The following BPIFC variants were observed in gnomAD, a reference collection of about 807,000 sequenced individuals.
The protein encoded by BPIFC is BPI fold containing family C, also known as BPI fold-containing family C protein.
BPIFC carries 60 observed loss-of-function variants against 57.6 expected under a neutral mutation model. The observed-to-expected ratio is 1.04, with a 90% CI of 0.85 to 1.29. The LOEUF (loss-of-function observed/expected upper bound fraction) is 1.29. Ranked by LOEUF, BPIFC falls within the 50% of genes most tolerant of loss-of-function variation. BPIFC has a pLI of 0.00. For synonymous variants in BPIFC, 243 were observed against 224.5 expected (o/e 1.08, Z -0.74); for missense variants, 581 against 600.5 (o/e 0.97, Z 0.34).
Position 32,441,756 on chromosome 22 carries a change from T to C in BPIFC, c.655+915A>G, listed in dbSNP as rs943203554. Among the ~76,000 whole-genome samples the C allele has an allele frequency of 2.0e-5, 3 of 152,224 alleles. No homozygotes were observed. The East Asian group carries it at 5.8e-4, about 29-fold the overall frequency. ...CAGGTTTAGAAATGGGCACTCAATA[T>C]GTATCTGTTAAAGCAGCGGTCCTCA... On this transcript the variant is annotated intron_variant, in intron 8 of 16. Coordinates refer to ENST00000300399, the MANE Select transcript of BPIFC (RefSeq NM_174932.3).
At chr22:32,420,484 G>T (rs925252777) in intron 13 of BPIFC, among the ~76,000 whole-genome samples, 1 of 152,058 alleles carries the variant, frequency 6.6e-6, no homozygotes, top group Non-Finnish European at 1.5e-5. Context: ...TTTTTTAGCT[G>T]TTCAATCGTT....
At chr22:32,417,872 T>A (rs565356286) in intron 14 of BPIFC, among the ~76,000 whole-genome samples, 33 of 152,156 alleles carry the variant, frequency 2.2e-4, no homozygotes, top group Non-Finnish European at 3.2e-4. Context: ...TTTTTTTATT[T>A]AAAAATTTTT....
intron 13 of BPIFC, 129 bp downstream of exon 13, chr22:32,431,218 A>G (rs1934230720): frequency 2.8e-6 from 2 of 717,304 alleles, no homozygotes; most frequent in Non-Finnish European, 4.5e-6. Flanking sequence ...GGTTCAAGCG[A>G]TTCTCCTGCC....
chr22:32,431,067 A>G (rs1164793080), intron 13 of BPIFC, among the ~76,000 whole-genome samples: 1 of 151,698 alleles, frequency 6.6e-6, no homozygotes, highest in East Asian at 1.9e-4. Flanking sequence ...TATCTGGCCC[A>G]TTACAGGAGA....
chr22:32,424,473 A>ATGCTGCC (rs1237004668), intron 13 of BPIFC, among the ~76,000 whole-genome samples: 1 of 152,020 alleles, frequency 6.6e-6, no homozygotes, highest in African/African-American at 2.4e-5. Flanking sequence ...GAAAAAGGGC[A>ATGCTGCC]TGCTGCCTGT....
chr22:32,414,427 T>C lies in BPIFC; in HGVS notation c.1402-2A>G. ...GTCGGTGGAAATCAAAAGGAAACCC[T>C]GGAAAGGATGTGACAATGAAGATAA... On this transcript the variant is annotated splice_acceptor_variant, in intron 16 of 16. Coordinates refer to ENST00000300399, the MANE Select transcript of BPIFC (RefSeq NM_174932.3). LOFTEE classifies it high-confidence loss of function. 1.2e-6 allele frequency: 2 copies of C among 1,613,134 alleles called. No homozygotes were observed. Among genetic ancestry groups the C allele is most frequent in the Non-Finnish European group, 1.7e-6 (2 of 1,179,430 alleles).
At chr22:32,416,713 G>A (rs1933689118) in intron 15 of BPIFC, among the ~76,000 whole-genome samples, 1 of 152,188 alleles carries the variant, frequency 6.6e-6, no homozygotes, top group African/African-American at 2.4e-5. Flanking sequence ...TGTCTATCCA[G>A]TTAGTGGTCC....
intron 15 of BPIFC, 27 bp from the exon 16 acceptor site, chr22:32,416,018 A>G: frequency 6.8e-7 from 1 of 1,467,958 alleles, no homozygotes; most frequent in Non-Finnish European, 9.3e-7. Flanking sequence ...GACGTAAAAC[A>G]ATTGGGCACA....
chr22:32,452,406 G>T (rs1404978369), intron 4 of BPIFC, among the ~76,000 whole-genome samples: 2 of 152,178 alleles, frequency 1.3e-5, no homozygotes, highest in African/African-American at 2.4e-5. Context: ...GGAGGCCAAA[G>T]GCGGCCGATC....
intron 8 of BPIFC, among the ~76,000 whole-genome samples, chr22:32,442,158 G>A (rs150329811): frequency 8.3e-4 from 126 of 152,332 alleles, no homozygotes; most frequent in African/African-American, 3.0e-3. Flanking sequence ...AACAGCAAAA[G>A]CAAAGGCAAG....
At chr22:32,431,286 C>G (rs1934233211) in intron 13 of BPIFC, 61 bp downstream of exon 13, 5 of 1,399,922 alleles carry the variant, frequency 3.6e-6, no homozygotes, top group Non-Finnish European at 5.0e-6. Flanking sequence ...GTCACTTTGT[C>G]TCTGATCAGT....
chr22:32,448,444 C>T (rs1934794724), intron 4 of BPIFC, among the ~76,000 whole-genome samples: 1 of 152,112 alleles, frequency 6.6e-6, no homozygotes. Context: ...CCAGTAGTGT[C>T]CCTCCCCACC....
intron 12 of BPIFC, 99 bp from the exon 13 acceptor site, chr22:32,431,513 C>T (rs970697977): frequency 1.3e-6 from 1 of 796,806 alleles, no homozygotes; most frequent in Non-Finnish European, 2.1e-6. Context: ...CCCAACATTC[C>T]CCCTTAGTGT....
At chr22:32,421,937 A>G (rs770217289) in intron 13 of BPIFC, among the ~76,000 whole-genome samples, 1 of 152,184 alleles carries the variant, frequency 6.6e-6, no homozygotes, top group Non-Finnish European at 1.5e-5. Flanking sequence ...GAGCTGAAAT[A>G]TGAAGGATGA....
chr22:32,422,828 A>C (rs1174819045), intron 13 of BPIFC, among the ~76,000 whole-genome samples: 3 of 152,126 alleles, frequency 2.0e-5, no homozygotes, highest in African/African-American at 7.2e-5. Context: ...GGGGGAAAAC[A>C]AGTTTCCCTT....
intron 14 of BPIFC, 36 bp from the exon 15 acceptor site, chr22:32,417,184 T>A: frequency 2.2e-6 from 3 of 1,345,098 alleles, no homozygotes; most frequent in Non-Finnish European, 2.0e-6. Context: ...AATTGGCAGA[T>A]CGGGCTTTTT....
intron 13 of BPIFC, among the ~76,000 whole-genome samples, chr22:32,423,312 A>G (rs1228426551): frequency 6.6e-6 from 1 of 152,172 alleles, no homozygotes; most frequent in Admixed American, 6.5e-5. Context: ...TTCTGGAAGA[A>G]GCTTCCATTT....
intron 13 of BPIFC, among the ~76,000 whole-genome samples, chr22:32,419,803 CAAAAAA>C (rs34812283): frequency 0.017 from 1,783 of 102,416 alleles, 35 homozygotes; most frequent in African/African-American, 0.06. Context: ...GAGACCCTGT[CAAAAAA>C]AAAAAAAAAA....
rs568701630 is a variant in BPIFC at position 32,459,529 on chromosome 22, G to T, written c.-1+2045C>A. On this transcript the variant is annotated intron_variant, in intron 2 of 16. Transcript: ENST00000300399. The stretch of plus-strand genomic sequence containing the variant: ...ATACAAAAAATTAGCTGGGTGTGGT[G>T]GCGGGCGCTTGTAGTCCCAGCTACT... Among the ~76,000 whole-genome samples the T allele has an allele frequency of 1.6e-4, 24 of 152,226 alleles. No individual in the cohort carries two copies. In the East Asian group the frequency reaches 4.6e-3, roughly 29 times the overall value.
Sources: allele counts gnomAD v4.1 joint callset (sites outside exome capture counted in the v4.1 genomes callset), GRCh38; gene constraint gnomAD v4.1.1; transcripts MANE v1.5; gene names NCBI Gene and HGNC (gene_info 2026-07-23, HGNC 2026-07-21).